Variants in SMC5 observed in about 807,000 individuals in gnomAD.
The protein encoded by SMC5 is structural maintenance of chromosomes 5.
Under a neutral mutation model 148.3 loss-of-function variants are expected in SMC5, and 88 were observed. The ratio of observed to expected loss-of-function variants is 0.59; its 90% CI spans 0.50 to 0.71. The LOEUF (loss-of-function observed/expected upper bound fraction) is 0.71. Among genes scored for constraint, SMC5 ranks in the 30% least tolerant of loss-of-function variants. The pLI, the probability that SMC5 is intolerant of heterozygous loss-of-function variation, is 0.00. For synonymous variants in SMC5, 421 were observed against 432.8 expected, an observed-to-expected ratio of 0.97 and a Z score of 0.34; for missense variants, 1,142 against 1,298.9, an observed-to-expected ratio of 0.88 and a Z score of 1.86.
At chr9:70,264,566 T>C in intron 2 of SMC5, 121 bp downstream of exon 2, 1 of 890,742 alleles carries the variant, frequency 1.1e-6, no homozygotes, top group Admixed American at 3.1e-5. Context: ...ATACAAGGAA[T>C]AAATTTGGCA....
chr9:70,262,089 A>G lies in SMC5; in HGVS notation c.186-2215A>G, dbSNP rs371659931. Among the ~76,000 whole-genome samples, 3 of 152,304 alleles carry G rather than the reference A, an allele frequency of 2.0e-5. No individual in the cohort carries two copies. In the East Asian group the frequency reaches 5.8e-4, roughly 29 times the overall value. On this transcript the variant is annotated intron_variant, in intron 1 of 24. Coordinates refer to ENST00000361138, the MANE Select transcript of SMC5 (RefSeq NM_015110.4). ...AGTTTTAGGCATGAGGTAGAGAAAG[A>G]TGCGCTTAGAGAATTAGCAAGGAAA... is the stretch of plus-strand genomic sequence containing the variant.
intron 7 of SMC5, among the ~76,000 whole-genome samples, chr9:70,283,795 AT>A (rs200291382): frequency 6.6e-6 from 1 of 151,046 alleles, no homozygotes; most frequent in African/African-American, 2.4e-5. Flanking sequence ...ACTTAGCAGT[AT>A]TTTTTTTTAC....
chr9:70,350,417 T>G lies in SMC5; in HGVS notation c.3111T>G (p.Val1037=). 6.2e-7 allele frequency: 1 copy of G among 1,605,314 alleles called. No individual in the cohort carries two copies. Among genetic ancestry groups the G allele is most frequent in the Non-Finnish European group, 8.5e-7 (1 of 1,177,710 alleles). The change falls in exon 24 of 25, where the codon GTT becomes GTG. Residue 1037 remains valine, a synonymous_variant. Transcript: ENST00000361138. The stretch of plus-strand genomic sequence containing the variant: ...ATGAACGGAGAGTGTTTGAAATGGT[T>G]GTAAATACTGCCTGTAAAGAAAATA... ...PINERRVFEM[V]VNTACKENTS...
At chr9:70,278,359 C>A in intron 4 of SMC5, 132 bp from the exon 5 acceptor site, 4 of 788,084 alleles carry the variant, frequency 5.1e-6, no homozygotes, top group South Asian at 2.0e-5. Flanking sequence ...AAGAATAATG[C>A]ACAAAAGGTT....
chr9:70,351,657 C>G (rs2036806885), intron 24 of SMC5, among the ~76,000 whole-genome samples: 2 of 152,198 alleles, frequency 1.3e-5, no homozygotes, highest in South Asian at 4.2e-4. Context: ...CCCAGTTATC[C>G]TGTGAATCTA....
At chr9:70,311,145 A>G (rs2035645030) in intron 11 of SMC5, 1 of 152,206 alleles carries the variant, frequency 6.6e-6, no homozygotes, top group East Asian at 1.9e-4. Flanking sequence ...CTTTCAGCCT[A>G]GCTCAACTTT....
intron 7 of SMC5, among the ~76,000 whole-genome samples, chr9:70,285,014 CT>C (rs2034857882): frequency 6.6e-6 from 1 of 151,926 alleles, no homozygotes; most frequent in East Asian, 1.9e-4. Flanking sequence ...CGTTTAGTCT[CT>C]CTGAGTTTTA....
intron 7 of SMC5, among the ~76,000 whole-genome samples, chr9:70,284,019 A>G (rs978158940): frequency 3.9e-4 from 59 of 152,350 alleles, no homozygotes; most frequent in African/African-American, 1.0e-3. Context: ...CCTGAAAGTC[A>G]GAAAAATGAC....
chr9:70,275,525 C>G (rs913845021), intron 3 of SMC5, among the ~76,000 whole-genome samples: 1 of 151,850 alleles, frequency 6.6e-6, no homozygotes, highest in Non-Finnish European at 1.5e-5. Context: ...TAATGTGAAT[C>G]TGATCTTAGT....
chr9:70,267,880 G>A, intron 2 of SMC5, 43 bp from the exon 3 acceptor site: 1 of 1,512,994 alleles, frequency 6.6e-7, no homozygotes, highest in Non-Finnish European at 9.0e-7. Context: ...TGTTAACCTG[G>A]GAATGTCACT....
chr9:70,259,682 A>G (rs993745262), intron 1 of SMC5, among the ~76,000 whole-genome samples: 28 of 152,070 alleles, frequency 1.8e-4, no homozygotes, highest in African/African-American at 5.3e-4. Context: ...TAGGGTAGGC[A>G]TTTGCCAGAG....
chr9:70,278,924 A>G (rs1009831171), intron 5 of SMC5, among the ~76,000 whole-genome samples: 1 of 152,216 alleles, frequency 6.6e-6, no homozygotes, highest in Non-Finnish European at 1.5e-5. Flanking sequence ...TTCATTCAGT[A>G]TCTATTAAAC....
intron 11 of SMC5, among the ~76,000 whole-genome samples, chr9:70,309,142 A>C (rs1244319252): frequency 6.6e-6 from 1 of 152,062 alleles, no homozygotes; most frequent in Admixed American, 6.6e-5. Flanking sequence ...TTGCTTCCAT[A>C]TTGATAGCTG....
chr9:70,321,228 G>T (rs1203990762), intron 15 of SMC5, among the ~76,000 whole-genome samples: 3 of 152,056 alleles, frequency 2.0e-5, no homozygotes, highest in African/African-American at 7.2e-5. Context: ...TAGGGAAGGA[G>T]GAGGTTATAT....
chr9:70,271,431 A>G lies in SMC5; in HGVS notation c.380+3456A>G, dbSNP rs140033018. 5.9e-5 allele frequency among the ~76,000 whole-genome samples: 9 copies of G among 152,316 alleles called. No homozygotes were observed. The East Asian group carries it at 1.7e-3, about 29-fold the overall frequency. ...TAGTTGTTGAAATTATTGCCATTAA[A>G]CAAGTATACTAACTGGCCATGTATT... On this transcript the variant is annotated intron_variant, in intron 3 of 24. Coordinates refer to ENST00000361138, the MANE Select transcript of SMC5 (RefSeq NM_015110.4).
rs2034623447 is a variant in SMC5 at position 70,277,479 on chromosome 9, G to A, written c.543+7G>A. On this transcript the variant is annotated splice_region_variant and intron_variant, in intron 4 of 24. Coordinates refer to ENST00000361138, the MANE Select transcript of SMC5 (RefSeq NM_015110.4). ...TTGCCAGTTTCTCCCTCAGGTATGA[G>A]AGAAATAAATGTAAAGATGGGAAAA... 1 of 1,575,596 alleles carries A rather than the reference G, an allele frequency of 6.3e-7. No homozygotes were observed. The highest frequency in any genetic ancestry group is 8.6e-7 in the Non-Finnish European group (1 of 1,165,584).
At chr9:70,339,345 C>T (rs985545124) in intron 17 of SMC5, among the ~76,000 whole-genome samples, 24 of 151,206 alleles carry the variant, frequency 1.6e-4, no homozygotes, top group Non-Finnish European at 2.9e-4. Context: ...AGGAGAATGG[C>T]GTGAATCTGG....
rs1440926847 is a variant in SMC5 at position 70,354,097 on chromosome 9, AAATT to A, written c.*1770_*1773del. On this transcript the variant is annotated 3_prime_UTR_variant, in exon 25 of 25. Coordinates refer to ENST00000361138, the MANE Select transcript of SMC5 (RefSeq NM_015110.4). ...AAACATTTAATTTCTCTACTGGACA[AAATT>A]AATATTTGGCTTTACATTGAATTTT... The A allele has an allele frequency of 3.3e-5, 5 of 152,262 alleles. No individual in the cohort carries two copies. Among genetic ancestry groups the A allele is most frequent in the Admixed American group, 2.6e-4 (4 of 15,284 alleles). The allele number at this position is 152,262 out of a possible 1,614,324, so 9.4% of individuals were successfully genotyped here.
rs1324343661 is a variant in SMC5 at position 70,286,345 on chromosome 9, A to T, written c.1053+74A>T. The T allele has an allele frequency of 3.3e-6, 3 of 915,520 alleles. No homozygotes were observed. The East Asian group carries it at 7.5e-5, about 23-fold the overall frequency. 56.7% of individuals were successfully genotyped at this position (915,520 alleles called of 1,614,324 possible). On this transcript the variant is annotated intron_variant, in intron 8 of 24. Transcript: ENST00000361138. The stretch of plus-strand genomic sequence containing the variant: ...TTTGTTTTCAAATACAGATTATGAG[A>T]CAGATTCTTGTTGGGGAATGGCCAA...
Sources: gnomAD v4.1 joint callset for allele counts (sites outside exome capture counted in the v4.1 genomes callset) on GRCh38, gnomAD v4.1.1 for gene constraint, MANE v1.5 for transcripts, NCBI Gene and HGNC (gene_info 2026-07-23, HGNC 2026-07-21) for gene names.